Variants in MGST1 observed in about 807,000 individuals in gnomAD.
MGST1 encodes the protein glutathione S-transferase 12.
Under a neutral mutation model 8.9 loss-of-function variants are expected in MGST1, and 5 were observed. The ratio of observed to expected loss-of-function variants is 0.56; its 90% confidence interval spans 0.29 to 1.19. MGST1 has a LOEUF of 1.19. MGST1 is among the 50% of genes most tolerant of loss of function. MGST1 has a pLI of 0.08. For synonymous variants in MGST1, 54 were observed against 67.8 expected, an observed-to-expected ratio of 0.80 and a Z score of 1.00; for missense variants, 182 against 187.4, an observed-to-expected ratio of 0.97 and a Z score of 0.17.
At chr12:16,392,262 T>C (rs1940559785) in intron 1 of MGST1, among the ~76,000 whole-genome samples, 1 of 152,212 alleles carries the variant, frequency 6.6e-6, no homozygotes, top group Admixed American at 6.5e-5. Flanking sequence ...TGCGTCTTCT[T>C]TGATTGCCTC....
intron 1 of MGST1, among the ~76,000 whole-genome samples, chr12:16,417,565 G>A (rs1472431777): frequency 6.6e-6 from 1 of 152,170 alleles, no homozygotes; most frequent in African/African-American, 2.4e-5. Context: ...CCAATGGAGA[G>A]TAGCAGATCA....
At chr12:16,395,780 C>CATATATATATATAT (rs369986291) in intron 1 of MGST1, among the ~76,000 whole-genome samples, 356 of 121,556 alleles carry the variant, frequency 2.9e-3, no homozygotes, top group African/African-American at 0.011. Flanking sequence ...AGTATTCCAT[C>CATATATATATATAT]ATATATATAT....
intron 4 of MGST1, among the ~76,000 whole-genome samples, chr12:16,490,526 TACTA>T (rs774765119): frequency 8.5e-5 from 13 of 152,220 alleles, no homozygotes; most frequent in Non-Finnish European, 1.5e-4. Context: ...CTGACTGCTA[TACTA>T]ACTAACTTAG....
chr12:16,378,418 T>C (rs1940413679), downstream of MGST1, among the ~76,000 whole-genome samples: 1 of 152,102 alleles, frequency 6.6e-6, no homozygotes, highest in Non-Finnish European at 1.5e-5. Flanking sequence ...TTTCCCAATT[T>C]CTTGTTTTTG....
At position 16,560,201 on chromosome 12, in the gene MGST1, T is replaced by G. The variant is rs1008814535; in HGVS notation, n.483-29327T>G. On this transcript the variant is annotated intron_variant and non_coding_transcript_variant, in intron 4 of 4. Coordinates refer to the MGST1 transcript ENST00000538857. This position sits in a 1 kb window ranked among gnomAD's most constrained non-coding sequence, Gnocchi z 5.0. ...AGTGTTTCCATTTTCTGTTACTTGC[T>G]CTTATATGATGCTTTTCTTTCAGGT... is the stretch of plus-strand genomic sequence containing the variant. Among the ~76,000 whole-genome samples the G allele has an allele frequency of 6.6e-6, 1 of 152,176 alleles. No homozygotes were observed. Among genetic ancestry groups the G allele is most frequent in the Non-Finnish European group, 1.5e-5 (1 of 68,040 alleles).
chr12:16,507,069 A>G (rs1941542666), intron 4 of MGST1, among the ~76,000 whole-genome samples: 1 of 152,028 alleles, frequency 6.6e-6, no homozygotes, highest in Admixed American at 6.6e-5. Context: ...GGAAGTACAT[A>G]GGAGGGAGAG....
At chr12:16,423,130 T>A (rs1940852811) in intron 1 of MGST1, among the ~76,000 whole-genome samples, 1 of 152,222 alleles carries the variant, frequency 6.6e-6, no homozygotes, top group Non-Finnish European at 1.5e-5. Context: ...GGGCTCATCT[T>A]ACTTTTTTCA....
At chr12:16,579,467 A>G (rs1008344334) in intron 4 of MGST1, among the ~76,000 whole-genome samples, 4 of 152,234 alleles carry the variant, frequency 2.6e-5, no homozygotes, top group African/African-American at 7.2e-5. Context: ...TGGTGATGGT[A>G]TATCAGTAGC....
chr12:16,472,669 T>A (rs1215259656), intron 4 of MGST1, among the ~76,000 whole-genome samples: 1 of 152,216 alleles, frequency 6.6e-6, no homozygotes, highest in Non-Finnish European at 1.5e-5. Flanking sequence ...TGTTTTTATG[T>A]ATATTGAGCA....
At chr12:16,443,253 A>G (rs781764012), downstream of MGST1, among the ~76,000 whole-genome samples, 1 of 151,802 alleles carries the variant, frequency 6.6e-6, no homozygotes, top group Non-Finnish European at 1.5e-5. Context: ...TGTTTAAAGT[A>G]TGTTTTTTGA....
intron 1 of MGST1, among the ~76,000 whole-genome samples, chr12:16,396,700 T>C (rs759730343): frequency 1.3e-5 from 2 of 151,620 alleles, no homozygotes; most frequent in Non-Finnish European, 2.9e-5. Flanking sequence ...TGCAAAAAAA[T>C]AAAAAATACT....
chr12:16,409,600 C>T (rs1050267896), intron 1 of MGST1, among the ~76,000 whole-genome samples: 11 of 152,168 alleles, frequency 7.2e-5, no homozygotes, highest in African/African-American at 2.6e-4. Context: ...TAGTTTTTAC[C>T]TCCCTAGAAT....
At chr12:16,556,523 G>T (rs1195580632) in intron 4 of MGST1, among the ~76,000 whole-genome samples, 4 of 152,200 alleles carry the variant, frequency 2.6e-5, no homozygotes, top group Admixed American at 6.5e-5. Flanking sequence ...AGGTAAAGAT[G>T]AAATGACTGC....
rs899232800 is a variant in MGST1 at position 16,560,141 on chromosome 12, A to G, written n.483-29387A>G. On this transcript the variant is annotated intron_variant and non_coding_transcript_variant, in intron 4 of 4. Transcript: ENST00000538857. The surrounding 1 kb of genome is among the most constrained non-coding windows in gnomAD (Gnocchi z 5.0). ...TTTAAAAAGACAGGAAAATAATAAA[A>G]GAAGGAATGAGTAAAAGAAGTCAGA... 6.6e-6 allele frequency among the ~76,000 whole-genome samples: 1 copy of G among 152,198 alleles called. No individual in the cohort carries two copies.
intron 1 of MGST1, among the ~76,000 whole-genome samples, chr12:16,421,770 A>G (rs1940838207): frequency 6.6e-6 from 1 of 152,128 alleles, no homozygotes; most frequent in South Asian, 2.1e-4. Context: ...TGGGTCAAAG[A>G]CTGTAACCCC....
chr12:16,356,781 C>G (rs1939734336), intron 2 of MGST1, among the ~76,000 whole-genome samples: 1 of 152,160 alleles, frequency 6.6e-6, no homozygotes. Context: ...AAAGTTTTAT[C>G]TGATTTAGAA....
At position 16,401,737 on chromosome 12, in the gene MGST1, T is replaced by C. The variant is rs1940656869; in HGVS notation, n.778+18133T>C. 2 of 1,600,908 alleles carry C rather than the reference T, an allele frequency of 1.2e-6. No individual in the cohort carries two copies. The highest frequency in any genetic ancestry group is 4.5e-5 in the East Asian group (2 of 44,832). On this transcript the variant is annotated intron_variant and non_coding_transcript_variant, in intron 1 of 1. Coordinates refer to the MGST1 transcript ENST00000359720. This position sits in a 1 kb window ranked among gnomAD's most constrained non-coding sequence, Gnocchi z 4.3. ...GAAGGGTCTGCCCCAGCAAGGTATT[T>C]TTTCTCTTCAACGGCCTTTTCCACA...
At position 16,454,232 on chromosome 12, in the gene MGST1, G is replaced by T. The variant is rs1389412761; in HGVS notation, n.482+70628G>T. On this transcript the variant is annotated intron_variant and non_coding_transcript_variant, in intron 4 of 4. Transcript: ENST00000538857. ...CTGATAATAGAATACTTGTACAAAT[G>T]ATTTCATTTAGGAACTATTTTTTCC... Among the ~76,000 whole-genome samples the T allele has an allele frequency of 4.0e-5, 6 of 151,774 alleles. No individual in the cohort carries two copies. The East Asian group carries it at 9.7e-4, about 25-fold the overall frequency.
At chr12:16,554,525 T>TA in intron 4 of MGST1, among the ~76,000 whole-genome samples, 1 of 152,164 alleles carries the variant, frequency 6.6e-6, no homozygotes, top group Non-Finnish European at 1.5e-5. Context: ...TTACTGTCTT[T>TA]CCCACTGACA....
Sources: allele counts gnomAD v4.1 joint callset (sites outside exome capture counted in the v4.1 genomes callset), GRCh38; gene constraint gnomAD v4.1.1; non-coding constraint Gnocchi (gnomAD v3.1); transcripts MANE v1.5; gene names NCBI Gene and HGNC (gene_info 2026-07-23, HGNC 2026-07-21).